PDZD2: variants seen among roughly 807,000 people sequenced by gnomAD.
The protein encoded by PDZD2 is PDZ domain containing 2, also known as PDZ domain-containing protein 2.
A neutral mutation model predicts 220.7 loss-of-function variants in PDZD2; 90 were observed. The ratio of observed to expected loss-of-function variants is 0.41; its 90% CI spans 0.34 to 0.49. The LOEUF (loss-of-function observed/expected upper bound fraction) is 0.49. Among genes scored for constraint, PDZD2 ranks in the 20% least tolerant of loss-of-function variants. The pLI is 0.28. For synonymous variants in PDZD2, 1,375 were observed against 1,450.5 expected, an observed-to-expected ratio of 0.95 and a Z score of 1.18; for missense variants, 3,174 against 3,608.5, an observed-to-expected ratio of 0.88 and a Z score of 3.08.
Position 32,090,826 on chromosome 5 carries a change from T to C in PDZD2, c.7378T>C (p.Ser2460Pro). ...TCCCACCCCAACGATGACCCTGGCT[T>C]CTCCTGTTAAGAGGAACAAGTCCTC... ...GIPTPTMTLA[S>P]PVKRNKSSVR... Residue 2460 changes from serine to proline, a missense_variant, in exon 20 of 25, where the codon TCT becomes CCT. Ser to Pro is a moderately conservative substitution (Grantham distance 74). Around this residue, in one of 4 missense-constraint regions of PDZD2, gnomAD observed 631 missense variants for 789.9 expected, o/e 0.80. Transcript: ENST00000438447. The surrounding 1 kb of genome is among the most constrained non-coding windows in gnomAD (Gnocchi z 4.3). 6.2e-7 allele frequency: 1 copy of C among 1,613,956 alleles called. No individual in the cohort carries two copies. The highest frequency in any genetic ancestry group is 1.3e-5 in the African/African-American group (1 of 74,980).
chr5:31,753,108 AT>A (rs1372721120), intron 1 of PDZD2, among the ~76,000 whole-genome samples: 1 of 152,258 alleles, frequency 6.6e-6, no homozygotes, highest in African/African-American at 2.4e-5. Flanking sequence ...TAGAAATCAA[AT>A]AATTAAATGT....
chr5:31,769,549 GC>G, intron 1 of PDZD2, among the ~76,000 whole-genome samples: 1 of 152,298 alleles, frequency 6.6e-6, no homozygotes, highest in East Asian at 1.9e-4. Flanking sequence ...GCTGAATTTT[GC>G]CTAAAAGAGC....
chr5:31,907,745 G>A (rs896996745), intron 2 of PDZD2, among the ~76,000 whole-genome samples: 1 of 152,012 alleles, frequency 6.6e-6, no homozygotes, highest in Non-Finnish European at 1.5e-5. Context: ...TCCCAGTTAC[G>A]TGAAGGCATA....
chr5:31,791,094 A>G (rs551730801), intron 1 of PDZD2, among the ~76,000 whole-genome samples: 1 of 152,262 alleles, frequency 6.6e-6, no homozygotes, highest in African/African-American at 2.4e-5. Flanking sequence ...CAGCAGACTT[A>G]CAAACTCCGG....
intron 8 of PDZD2, among the ~76,000 whole-genome samples, chr5:32,052,249 G>C (rs918043469): frequency 2.0e-5 from 3 of 152,084 alleles, no homozygotes; most frequent in Admixed American, 6.6e-5. Flanking sequence ...AGGTTCAAGC[G>C]ATTGTCCTGC....
At chr5:31,706,317 G>A (rs1387042569) in intron 1 of PDZD2, among the ~76,000 whole-genome samples, 2 of 152,158 alleles carry the variant, frequency 1.3e-5, no homozygotes, top group Non-Finnish European at 1.5e-5. Context: ...CTCAGTTTAC[G>A]AATAAGGAAC....
intron 2 of PDZD2, among the ~76,000 whole-genome samples, chr5:31,840,200 G>A (rs1246065825): frequency 3.3e-5 from 5 of 150,618 alleles, no homozygotes; most frequent in Non-Finnish European, 7.4e-5. Context: ...TCATGCCAAT[G>A]CACTCGAGCC....
chr5:32,075,552 A>G (rs1241889568), intron 18 of PDZD2, among the ~76,000 whole-genome samples: 1 of 152,250 alleles, frequency 6.6e-6, no homozygotes, highest in Non-Finnish European at 1.5e-5. Context: ...TTGATAATGT[A>G]CCACATTAAA....
At chr5:32,105,602 G>C (rs763806511) in intron 24 of PDZD2, among the ~76,000 whole-genome samples, 2 of 152,098 alleles carry the variant, frequency 1.3e-5, no homozygotes, top group Non-Finnish European at 2.9e-5. Flanking sequence ...TACTAACTGG[G>C]ACCGGCTCAA....
Position 31,996,334 on chromosome 5 carries a change from T to C in PDZD2, c.1121+616T>C, listed in dbSNP as rs564975022. ...AGCTCACGCCTGTAATCCCAATACT[T>C]TGGGAGGCCAAAGCAGGAGGATTGC... On this transcript the variant is annotated intron_variant, in intron 4 of 24. Transcript: ENST00000438447. Among the ~76,000 whole-genome samples the C allele has an allele frequency of 2.0e-4, 30 of 152,304 alleles. No individual in the cohort carries two copies. In the East Asian group the frequency reaches 5.8e-3, roughly 29 times the overall value.
At chr5:32,001,337 C>T (rs1752087337) in intron 5 of PDZD2, among the ~76,000 whole-genome samples, 1 of 152,202 alleles carries the variant, frequency 6.6e-6, no homozygotes, top group African/African-American at 2.4e-5. Flanking sequence ...TCAGGGGCCG[C>T]CGAGGGCAGC....
In PDZD2 at chr5:32,108,081, T is replaced by G; in HGVS notation, c.8466T>G (p.Ser2822=). The G allele has an allele frequency of 6.2e-7, 1 of 1,611,930 alleles. No individual in the cohort carries two copies. Among genetic ancestry groups the G allele is most frequent in the Non-Finnish European group, 8.5e-7 (1 of 1,178,016 alleles). ...MHFDAWNIMK[S]VPEGPVQLLI... is the part of the protein sequence containing the mutation. ...TTGATGCCTGGAATATTATGAAGTC[T>G]GTCCCAGAAGGACCTGTGCAGTTAT... The change falls in exon 25 of 25, where the codon TCT becomes TCG. Residue 2822 remains serine (S), a synonymous_variant. Transcript: ENST00000438447.
intron 2 of PDZD2, among the ~76,000 whole-genome samples, chr5:31,821,751 C>T (rs1428030321): frequency 6.6e-6 from 1 of 151,368 alleles, no homozygotes; most frequent in Non-Finnish European, 1.5e-5. Flanking sequence ...CATAGGTATA[C>T]ATGTGTCATT....
At chr5:31,709,802 A>C (rs1748004125) in intron 1 of PDZD2, among the ~76,000 whole-genome samples, 1 of 152,130 alleles carries the variant, frequency 6.6e-6, no homozygotes, top group African/African-American at 2.4e-5. Context: ...CTAAAAATAC[A>C]CACATTAACC....
At chr5:31,901,669 A>C (rs78330853) in intron 2 of PDZD2, among the ~76,000 whole-genome samples, 2,750 of 152,310 alleles carry the variant, frequency 0.018, 87 homozygotes, top group African/African-American at 0.063. Context: ...ATAGTTTTTA[A>C]GTAAATTCAA....
chr5:31,770,108 C>A (rs1055466909), intron 1 of PDZD2, among the ~76,000 whole-genome samples: 2 of 152,076 alleles, frequency 1.3e-5, no homozygotes, highest in Non-Finnish European at 2.9e-5. Context: ...TGCATAATCA[C>A]AAAGAAAGGG....
intron 1 of PDZD2, among the ~76,000 whole-genome samples, chr5:31,740,832 A>G (rs944224284): frequency 6.6e-6 from 1 of 152,188 alleles, no homozygotes; most frequent in Non-Finnish European, 1.5e-5. Context: ...TGAGTTATCT[A>G]TTTGTAAACT....
intron 15 of PDZD2, among the ~76,000 whole-genome samples, chr5:32,070,528 T>C (rs1554037102): frequency 6.6e-6 from 1 of 152,262 alleles, no homozygotes; most frequent in Non-Finnish European, 1.5e-5. Flanking sequence ...TTCTGCTTCA[T>C]GGCATATAGT....
At chr5:31,790,245 C>A (rs1001047058) in intron 1 of PDZD2, among the ~76,000 whole-genome samples, 20 of 152,142 alleles carry the variant, frequency 1.3e-4, no homozygotes, top group African/African-American at 4.6e-4. Flanking sequence ...CTACAGGCAC[C>A]CGCCACCATG....
Sources: allele counts gnomAD v4.1 joint callset (sites outside exome capture counted in the v4.1 genomes callset), GRCh38; gene constraint gnomAD v4.1.1; regional missense constraint gnomAD v4.1.1; non-coding constraint Gnocchi (gnomAD v3.1); transcripts MANE v1.5; gene names NCBI Gene and HGNC (gene_info 2026-07-23, HGNC 2026-07-21).